Variants in AMBRA1 observed in about 807,000 individuals in gnomAD.
AMBRA1 encodes the protein autophagy and beclin 1 regulator 1.
Under a neutral mutation model 125.4 loss-of-function variants are expected in AMBRA1, and 47 were observed. That is an observed-to-expected ratio of 0.37 (90% CI 0.30 to 0.48). AMBRA1 has a LOEUF of 0.48. Among genes scored for constraint, AMBRA1 ranks in the 20% least tolerant of loss-of-function variants. The pLI, the probability that AMBRA1 is intolerant of heterozygous loss-of-function variation, is 0.99. For missense variants in AMBRA1, 1,331 were observed against 1,693.4 expected (o/e 0.79, Z 3.76); for synonymous variants, 626 against 655.5 (o/e 0.95, Z 0.69).
chr11:46,447,112 C>T (rs1248787306), intron 11 of AMBRA1, among the ~76,000 whole-genome samples: 1 of 152,012 alleles, frequency 6.6e-6, no homozygotes, highest in African/African-American at 2.4e-5. Context: ...CTTACTAAGA[C>T]AATAAATACA....
chr11:46,586,197 A>G (rs914845545), intron 1 of AMBRA1, among the ~76,000 whole-genome samples: 6 of 152,168 alleles, frequency 3.9e-5, no homozygotes, highest in African/African-American at 1.4e-4. Context: ...ACTTGAAGCC[A>G]GAGTTCAACA....
chr11:46,438,136 T>TG lies in AMBRA1; in HGVS notation c.2633-3100dup, dbSNP rs765142366. Among the ~76,000 whole-genome samples, 13 of 151,944 alleles carry TG rather than the reference T, an allele frequency of 8.6e-5. 2 individuals carry two copies. Among genetic ancestry groups the TG allele is most frequent in the Admixed American group, 5.9e-4 (9 of 15,260 alleles). On this transcript the variant is annotated intron_variant, in intron 12 of 17. Transcript: ENST00000683756. ...TTTCACTTAAAGGCAAAAAACATAT[T>TG]GGAAAAAAATGATGGGGTATTTAGC...
intron 1 of AMBRA1, among the ~76,000 whole-genome samples, chr11:46,563,704 G>A (rs2043414259): frequency 6.6e-6 from 1 of 151,404 alleles, no homozygotes; most frequent in South Asian, 2.1e-4. Flanking sequence ...GCTGGGTATA[G>A]TGGTGCACAC....
Position 46,547,193 on chromosome 11 carries a change from AC to A in AMBRA1, c.297del (p.Trp99CysfsTer18). The A allele has an allele frequency of 6.2e-7, 1 of 1,614,210 alleles. No individual in the cohort carries two copies. The highest frequency in any genetic ancestry group is 8.5e-7 in the Non-Finnish European group (1 of 1,180,036). Reference protein sequence around the residue: ...HSLIGHRRTPWCVTFHPTISG... With the variant: ...HSLIGHRRTPXCVTFHPTISG... The stretch of plus-strand genomic sequence containing the variant: ...GAGATGGTGGGATGAAAAGTGACAC[AC>A]CATGGAGTACGGCGGTGTCCAATCA... On this transcript the variant is annotated frameshift_variant, in exon 4 of 18. Transcript: ENST00000683756. LOFTEE classifies it high-confidence loss of function.
chr11:46,586,560 T>C lies in AMBRA1; in HGVS notation c.-121+7268A>G, dbSNP rs1459633313. Among the ~76,000 whole-genome samples, 5 of 152,182 alleles carry C rather than the reference T, an allele frequency of 3.3e-5. No individual in the cohort carries two copies. In the South Asian group the frequency reaches 6.2e-4, roughly 19 times the overall value. ...TTAACTTCCTATTCCCTATTAAAGT[T>C]TTCCCAAAGCATCTAAACTTCAATC... On this transcript the variant is annotated intron_variant, in intron 1 of 17. Transcript: ENST00000683756.
At chr11:46,551,964 G>A (rs1273487884) in intron 1 of AMBRA1, among the ~76,000 whole-genome samples, 3 of 151,622 alleles carry the variant, frequency 2.0e-5, no homozygotes, top group Admixed American at 1.3e-4. Context: ...GGAGGCGGAG[G>A]TTGTAGTGAG....
chr11:46,420,233 G>A lies in AMBRA1; in HGVS notation c.2977-2181C>T, dbSNP rs534144701. ...ACTCAACTCCAAATGTAAGGAACTC[G>A]TTAAGGCTCCTTAAATCTTTGCTCT... On this transcript the variant is annotated intron_variant, in intron 14 of 17. Transcript: ENST00000683756. 5.3e-5 allele frequency among the ~76,000 whole-genome samples: 8 copies of A among 152,216 alleles called. No individual in the cohort carries two copies. The East Asian group carries it at 5.8e-4, about 11-fold the overall frequency.
chr11:46,551,601 T>C lies in AMBRA1; in HGVS notation c.-120-3101A>G, dbSNP rs75307275. Among the ~76,000 whole-genome samples, 8 of 152,372 alleles carry C rather than the reference T, an allele frequency of 5.3e-5. No individual in the cohort carries two copies. In the East Asian group the frequency reaches 1.3e-3, roughly 26 times the overall value. On this transcript the variant is annotated intron_variant, in intron 1 of 17. Coordinates refer to ENST00000683756, the MANE Select transcript of AMBRA1 (RefSeq NM_001387011.1). ...AAATATTAAACGACACCAGGCGCGA[T>C]GGCTCACGCCTGTAATCCCAGAACT... is the stretch of plus-strand genomic sequence containing the variant.
chr11:46,586,863 A>G (rs2044421399), intron 1 of AMBRA1, among the ~76,000 whole-genome samples: 1 of 152,100 alleles, frequency 6.6e-6, no homozygotes, highest in African/African-American at 2.4e-5. Flanking sequence ...GCTATTCAAA[A>G]GTCTGGGGAG....
intron 7 of AMBRA1, among the ~76,000 whole-genome samples, chr11:46,516,502 C>A (rs1164816947): frequency 7.0e-6 from 1 of 143,628 alleles, no homozygotes; most frequent in African/African-American, 2.6e-5. Context: ...ACGATCTCGG[C>A]TCACTGCAAG....
chr11:46,414,366 T>C (rs562073411), intron 15 of AMBRA1, among the ~76,000 whole-genome samples: 1 of 152,278 alleles, frequency 6.6e-6, no homozygotes, highest in African/African-American at 2.4e-5. Flanking sequence ...CCCTGGGTGA[T>C]GATACTTGAC....
intron 11 of AMBRA1, among the ~76,000 whole-genome samples, chr11:46,485,832 C>T (rs1219172763): frequency 6.6e-6 from 1 of 152,156 alleles, no homozygotes; most frequent in African/African-American, 2.4e-5. Context: ...GAAGCACAGG[C>T]AATTCAGCTT....
chr11:46,496,648 A>G (rs1950640018), intron 9 of AMBRA1, among the ~76,000 whole-genome samples: 1 of 152,230 alleles, frequency 6.6e-6, no homozygotes, highest in African/African-American at 2.4e-5. Context: ...AAGGTAACAC[A>G]GAGCTTGGTG....
intron 1 of AMBRA1, among the ~76,000 whole-genome samples, chr11:46,587,126 T>C (rs1169157840): frequency 2.0e-5 from 3 of 152,142 alleles, no homozygotes. Flanking sequence ...CCGCCTATAA[T>C]CCCAACATGT....
chr11:46,418,215 C>T lies in AMBRA1; in HGVS notation c.2977-163G>A, dbSNP rs553339501. Among the ~76,000 whole-genome samples, 75 of 142,304 alleles carry T rather than the reference C, an allele frequency of 5.3e-4. 1 individual carries two copies. The highest frequency in any genetic ancestry group is 1.9e-3 in the African/African-American group (75 of 38,940). 93.4% of individuals were successfully genotyped at this position (142,304 alleles called of 152,430 possible). ...TTCTTTTTTTTCTATATCTATCTAT[C>T]TATTTTATTATTTATATATAAATAT... On this transcript the variant is annotated intron_variant, in intron 14 of 17. Transcript: ENST00000683756.
intron 11 of AMBRA1, among the ~76,000 whole-genome samples, chr11:46,492,917 C>T (rs1488248839): frequency 4.6e-5 from 7 of 152,092 alleles, no homozygotes; most frequent in African/African-American, 7.2e-5. Flanking sequence ...GGCGTGGTGG[C>T]GGGCACCTGT....
At chr11:46,422,760 G>A (rs992332084) in intron 14 of AMBRA1, among the ~76,000 whole-genome samples, 3 of 151,992 alleles carry the variant, frequency 2.0e-5, no homozygotes, top group African/African-American at 4.8e-5. Context: ...CGGATAAGAA[G>A]CTAAAAGAAA....
intron 7 of AMBRA1, among the ~76,000 whole-genome samples, chr11:46,529,002 CTCTT>C (rs1952100798): frequency 6.6e-6 from 1 of 152,166 alleles, no homozygotes; most frequent in Admixed American, 6.5e-5. Flanking sequence ...AGCTGCAATT[CTCTT>C]TCTATGACAA....
chr11:46,447,850 T>A (rs545517443), intron 11 of AMBRA1, among the ~76,000 whole-genome samples: 2 of 152,186 alleles, frequency 1.3e-5, no homozygotes, highest in South Asian at 4.1e-4. Flanking sequence ...ACTCTCTGTG[T>A]GTATTGCATC....
Sources: gnomAD v4.1 joint callset for allele counts (sites outside exome capture counted in the v4.1 genomes callset) on GRCh38, gnomAD v4.1.1 for gene constraint, MANE v1.5 for transcripts, NCBI Gene and HGNC (gene_info 2026-07-23, HGNC 2026-07-21) for gene names.